Variants in PDE8B observed in about 807,000 individuals in gnomAD.
PDE8B encodes high affinity cAMP-specific and IBMX-insensitive 3',5'-cyclic phosphodiesterase 8B.
A neutral mutation model predicts 101.3 loss-of-function variants in PDE8B; 26 were observed. That is an observed-to-expected ratio of 0.26 (90% CI 0.19 to 0.36). PDE8B has a LOEUF of 0.36. Ranked by LOEUF, PDE8B falls within the 10% of genes least tolerant of loss-of-function variation. PDE8B has a pLI of 1.00. For missense variants in PDE8B, 810 were observed against 1,163.1 expected (o/e 0.70, Z 4.42); for synonymous variants, 424 against 429.3 (o/e 0.99, Z 0.15).
rs186957330 is a variant in PDE8B at position 77,375,680 on chromosome 5, C to T, written c.1167+22274C>T. Among the ~76,000 whole-genome samples, 6 of 152,198 alleles carry T rather than the reference C, an allele frequency of 3.9e-5. 1 individual carries two copies. Among genetic ancestry groups the T allele is most frequent in the East Asian group, 3.9e-4 (2 of 5,160 alleles). ...AATGCCACTCACAGTCCATTCCTAA[C>T]GGACTCAGGAAAAGTTCCAGTGGTA... On this transcript the variant is annotated intron_variant, in intron 10 of 21. Coordinates refer to ENST00000264917, the MANE Select transcript of PDE8B (RefSeq NM_003719.5).
chr5:77,188,511 G>A, the PDE8B span, among the ~76,000 whole-genome samples: 38 of 152,116 alleles, frequency 2.5e-4, no homozygotes, highest in Non-Finnish European at 5.1e-4. Context: ...CTTTAAATAC[G>A]GCATGCACTG....
chr5:77,343,423 C>T (rs1370818005), intron 6 of PDE8B, among the ~76,000 whole-genome samples: 1 of 152,186 alleles, frequency 6.6e-6, no homozygotes, highest in East Asian at 1.9e-4. Flanking sequence ...TGTTACTGTA[C>T]TGAATACTGT....
intron 1 of PDE8B, among the ~76,000 whole-genome samples, chr5:77,284,759 G>T (rs900118867): frequency 3.9e-5 from 6 of 152,058 alleles, no homozygotes; most frequent in Admixed American, 1.3e-4. Context: ...GGCTTCTTTT[G>T]CTTAATGTTA....
rs1445035657 is a variant in PDE8B, at chr5:77,427,576, CA to C, written c.*1023del. 6.6e-6 allele frequency: 1 copy of C among 152,090 alleles called. No homozygotes were observed. Among genetic ancestry groups the C allele is most frequent in the African/African-American group, 2.4e-5 (1 of 41,408 alleles). 9.4% of individuals were successfully genotyped at this position (152,090 alleles called of 1,614,324 possible). A position where few individuals can be genotyped will look rare whatever the true frequency, so the allele number is the denominator to read the frequency against. ...TTTTTAACCAGTCTATATTTGAAAT[CA>C]TGCCATTAGCTTTAACAATGTTAAA... is the stretch of plus-strand genomic sequence containing the variant. On this transcript the variant is annotated 3_prime_UTR_variant, in exon 22 of 22. Transcript: ENST00000264917.
chr5:77,200,215 G>C, the PDE8B span, among the ~76,000 whole-genome samples: 1 of 151,868 alleles, frequency 6.6e-6, no homozygotes, highest in African/African-American at 2.4e-5. Flanking sequence ...AATTTATTTG[G>C]AATATCCATA....
chr5:77,289,970 C>G (rs941802812), intron 1 of PDE8B, among the ~76,000 whole-genome samples: 3 of 152,188 alleles, frequency 2.0e-5, no homozygotes, highest in African/African-American at 7.2e-5. Context: ...TATTTCATTT[C>G]CTTATCACTG....
At chr5:77,318,025 C>T (rs1774143478) in intron 2 of PDE8B, among the ~76,000 whole-genome samples, 1 of 134,230 alleles carries the variant, frequency 7.4e-6, no homozygotes, top group Admixed American at 8.5e-5. Flanking sequence ...CATTGCACTC[C>T]AGCCTGGGCA....
At chr5:77,153,595 G>A in the PDE8B span, among the ~76,000 whole-genome samples, 699 of 131,358 alleles carry the variant, frequency 5.3e-3, 3 homozygotes, top group Non-Finnish European at 8.8e-3. Context: ...TTTTTTTTGA[G>A]ACGGAGTCTC....
chr5:77,384,550 T>C lies in PDE8B; in HGVS notation c.1168-15698T>C, dbSNP rs187896387. Among the ~76,000 whole-genome samples, 273 of 152,362 alleles carry C rather than the reference T, an allele frequency of 1.8e-3. 1 individual carries two copies. Among genetic ancestry groups the C allele is most frequent in the African/African-American group, 6.3e-3 (260 of 41,592 alleles). On this transcript the variant is annotated intron_variant, in intron 10 of 21. Coordinates refer to ENST00000264917, the MANE Select transcript of PDE8B (RefSeq NM_003719.5). The stretch of plus-strand genomic sequence containing the variant: ...GAGAGAGGGCATCCTTGTCTTGTGC[T>C]GGTTTTCAAAGGGAATGCTTTCAGT...
chr5:77,181,058 C>CACCCCT, the PDE8B span, among the ~76,000 whole-genome samples: 6 of 151,484 alleles, frequency 4.0e-5, no homozygotes, highest in Non-Finnish European at 8.8e-5. Context: ...ATGGGGCACC[C>CACCCCT]ACCCCTACCC....
intron 2 of PDE8B, among the ~76,000 whole-genome samples, chr5:77,319,552 T>G (rs1446025168): frequency 1.3e-5 from 2 of 152,218 alleles, no homozygotes; most frequent in Non-Finnish European, 2.9e-5. Flanking sequence ...AAATTTGAAT[T>G]GAATGTAAAT....
chr5:77,425,732 G>A (rs765916711), intron 20 of PDE8B, 35 bp from the exon 21 acceptor site: 47 of 1,609,936 alleles, frequency 2.9e-5, no homozygotes, highest in African/African-American at 5.3e-5. Flanking sequence ...TGTCTCGCAT[G>A]TCCTCCAGCC....
chr5:77,258,151 T>C (rs904482885), intron 1 of PDE8B, among the ~76,000 whole-genome samples: 10 of 151,952 alleles, frequency 6.6e-5, no homozygotes, highest in African/African-American at 2.2e-4. Flanking sequence ...TAGCTGGGCA[T>C]GGTGGCAGGT....
At chr5:77,240,500 C>G (rs1020960267) in intron 1 of PDE8B, among the ~76,000 whole-genome samples, 1 of 152,146 alleles carries the variant, frequency 6.6e-6, no homozygotes, top group Non-Finnish European at 1.5e-5. Flanking sequence ...CAGGAGGTCT[C>G]GTAGACAGGA....
chr5:77,252,027 C>A (rs1226934612), intron 1 of PDE8B, among the ~76,000 whole-genome samples: 1 of 152,174 alleles, frequency 6.6e-6, no homozygotes, highest in Admixed American at 6.5e-5. Flanking sequence ...TGGCTCTCGC[C>A]TGTGTGGTTA....
chr5:77,305,331 G>T (rs1475580638), intron 1 of PDE8B, among the ~76,000 whole-genome samples: 2 of 152,212 alleles, frequency 1.3e-5, no homozygotes, highest in African/African-American at 2.4e-5. Context: ...CTCATGGGCT[G>T]CCCAGTGAGC....
chr5:77,221,540 T>C (rs778133658), intron 1 of PDE8B, among the ~76,000 whole-genome samples: 1 of 152,224 alleles, frequency 6.6e-6, no homozygotes, highest in Non-Finnish European at 1.5e-5. Context: ...TTTGGTTGTC[T>C]CTTTTCTGTG....
chr5:77,120,923 C>G, the PDE8B span, among the ~76,000 whole-genome samples: 2 of 152,210 alleles, frequency 1.3e-5, no homozygotes, highest in African/African-American at 4.8e-5. Context: ...CTAGAGTACA[C>G]AGCATGCATG....
At chr5:77,360,238 C>T (rs1002425246) in intron 10 of PDE8B, among the ~76,000 whole-genome samples, 7 of 144,364 alleles carry the variant, frequency 4.8e-5, no homozygotes, top group African/African-American at 1.8e-4. Context: ...ATTATGTTGG[C>T]GTTTGGGAGG....
Sources: gnomAD v4.1 joint callset for allele counts (sites outside exome capture counted in the v4.1 genomes callset) on GRCh38, gnomAD v4.1.1 for gene constraint, MANE v1.5 for transcripts, NCBI Gene and HGNC (gene_info 2026-07-23, HGNC 2026-07-21) for gene names.